The following NEXN variants were observed in gnomAD, a reference collection of about 807,000 sequenced individuals.
The protein encoded by NEXN is nexilin.
Under a neutral mutation model 92.6 loss-of-function variants are expected in NEXN, and 65 were observed. The observed-to-expected ratio is 0.70, with a 90% confidence interval of 0.57 to 0.86. The LOEUF is 0.86. Ranked by LOEUF, NEXN falls within the 40% of genes least tolerant of loss-of-function variation. The pLI is 0.00. For synonymous variants in NEXN, 254 were observed against 242.5 expected (o/e 1.05, Z -0.44); for missense variants, 778 against 771.1 (o/e 1.01, Z -0.11).
chr1:77,912,521 A>G (rs907180721), intron 1 of NEXN, among the ~76,000 whole-genome samples: 4 of 152,232 alleles, frequency 2.6e-5, no homozygotes, highest in Admixed American at 6.5e-5. Flanking sequence ...ACAAAGCTGG[A>G]GGACTAACAC....
At chr1:77,925,561 C>A (rs535237826) in intron 6 of NEXN, among the ~76,000 whole-genome samples, 2 of 152,188 alleles carry the variant, frequency 1.3e-5, no homozygotes, top group South Asian at 4.1e-4. Context: ...TATAAAAAGG[C>A]AATTTTATTT....
intron 11 of NEXN, among the ~76,000 whole-genome samples, chr1:77,940,692 G>C (rs1651192158): frequency 6.6e-6 from 1 of 152,192 alleles, no homozygotes; most frequent in South Asian, 2.1e-4. Flanking sequence ...AGTGTATACT[G>C]TGAACAAAGA....
intron 1 of NEXN, among the ~76,000 whole-genome samples, chr1:77,899,814 A>T (rs1046912516): frequency 6.6e-6 from 1 of 152,168 alleles, no homozygotes; most frequent in Non-Finnish European, 1.5e-5. Context: ...ATAAATAATG[A>T]GTCACCATGT....
rs761888910 is a variant in NEXN at position 77,917,713 on chromosome 1, G to C, written c.175G>C (p.Glu59Gln). 6.2e-7 allele frequency: 1 copy of C among 1,611,422 alleles called. No homozygotes were observed. Among genetic ancestry groups the C allele is most frequent in the South Asian group, 1.1e-5 (1 of 90,804 alleles). The change falls in exon 3 of 13, where the codon GAA becomes CAA. Residue 59 changes from glutamate to glutamine, a missense_variant. This residue lies in a region of NEXN where 236 missense variants were observed against 265.6 expected (regional missense o/e 0.89). Coordinates refer to ENST00000334785, the MANE Select transcript of NEXN (RefSeq NM_144573.4). ...TAGAGACGAAAAACAAAGAAGAAAA[G>C]AACAATATATTAGAGAGAGAGAATG... The part of the protein sequence containing the change: ...RSRDEKQRRK[E>Q]QYIREREWNR...
At chr1:77,914,958 A>C (rs1571107240) in intron 1 of NEXN, among the ~76,000 whole-genome samples, 1 of 152,176 alleles carries the variant, frequency 6.6e-6, no homozygotes, top group African/African-American at 2.4e-5. Context: ...TTTACATATA[A>C]AAACATAGAT....
In NEXN at chr1:77,942,805, T is replaced by C; in HGVS notation, c.2004T>C (p.Ile668=). The C allele has an allele frequency of 6.2e-7, 1 of 1,610,592 alleles. No individual in the cohort carries two copies. Among genetic ancestry groups the C allele is most frequent in the Non-Finnish European group, 8.5e-7 (1 of 1,177,376 alleles). ...NNKGSAASTC[I]LTIESKN The stretch of plus-strand genomic sequence containing the variant: ...AAGGATCTGCAGCTAGTACCTGTAT[T>C]CTTACCATTGAAAGTAAGAATTAAT... The change falls in exon 13 of 13, where the codon ATT becomes ATC. Residue 668 remains isoleucine (I), a synonymous_variant. Coordinates refer to ENST00000334785, the MANE Select transcript of NEXN (RefSeq NM_144573.4).
At chr1:77,931,130 G>A (rs2102138741) in intron 9 of NEXN, among the ~76,000 whole-genome samples, 1 of 151,094 alleles carries the variant, frequency 6.6e-6, no homozygotes, top group South Asian at 2.1e-4. Context: ...GCTCACGCCT[G>A]TAATCCCAGC....
chr1:77,934,440 C>A (rs1650580604), intron 10 of NEXN, among the ~76,000 whole-genome samples: 3 of 152,214 alleles, frequency 2.0e-5, no homozygotes, highest in Admixed American at 2.0e-4. Flanking sequence ...CCATCATGCC[C>A]AGCCACTGTC....
rs370195451 is a variant in NEXN, at chr1:77,935,971, T to C, written c.1400T>C (p.Ile467Thr). The change falls in exon 11 of 13, where the codon ATA becomes ACA. Residue 467 changes from isoleucine to threonine, a missense_variant. By Grantham distance (89) the Ile-to-Thr change is moderately conservative (BLOSUM62 -1). This residue lies in a region of NEXN where 532 missense variants were observed against 476.7 expected (regional missense o/e 1.12). Transcript: ENST00000334785. ...QLSEKEIQKKIEEERARRRAI... is the reference protein window; with the variant it reads ...QLSEKEIQKKTEEERARRRAI... ...TCTGAAAAAGAAATACAGAAAAAAA[T>C]AGAAGAAGAGCGAGCAAGAAGGAGA... The C allele has an allele frequency of 3.0e-5, 49 of 1,613,570 alleles. No individual in the cohort carries two copies. The highest frequency in any genetic ancestry group is 3.7e-5 in the Non-Finnish European group (44 of 1,179,918).
At position 77,918,168 on chromosome 1, in the gene NEXN, A is replaced by G; in HGVS notation, c.342A>G (p.Gln114=). The change falls in exon 5 of 13, where the codon CAA becomes CAG. Residue 114 remains glutamine (Q), a synonymous_variant. Transcript: ENST00000334785. ...GRFAEMEKQR[Q]EEQRKRTEEE... ...TTGCTGAAATGGAGAAACAAAGACA[A>G]GAGGAACAAAGGAAGAGAACGGAGG... 2 of 1,614,110 alleles carry G rather than the reference A, an allele frequency of 1.2e-6. No individual in the cohort carries two copies. Among genetic ancestry groups the G allele is most frequent in the Non-Finnish European group, 1.7e-6 (2 of 1,179,974 alleles).
chr1:77,905,603 T>C (rs375732127), intron 1 of NEXN, among the ~76,000 whole-genome samples: 1 of 152,148 alleles, frequency 6.6e-6, no homozygotes, highest in South Asian at 2.1e-4. Flanking sequence ...CAGGAGGTGC[T>C]ATGGATATAA....
At chr1:77,894,885 T>G (rs1647191100) in intron 1 of NEXN, among the ~76,000 whole-genome samples, 1 of 151,148 alleles carries the variant, frequency 6.6e-6, no homozygotes, top group Non-Finnish European at 1.5e-5. Context: ...CTGGCTAATT[T>G]TTTGTATTTT....
intron 1 of NEXN, among the ~76,000 whole-genome samples, chr1:77,894,308 AT>A (rs1433231808): frequency 1.3e-5 from 2 of 152,206 alleles, no homozygotes; most frequent in African/African-American, 4.8e-5. Flanking sequence ...AGGGAAATAG[AT>A]CACTACTTCG....
chr1:77,934,383 G>A (rs1482715834), intron 10 of NEXN, among the ~76,000 whole-genome samples: 2 of 152,068 alleles, frequency 1.3e-5, no homozygotes, highest in Non-Finnish European at 2.9e-5. Context: ...TCTGGCAAGC[G>A]ATCCTCTGAC....
chr1:77,912,322 T>C (rs1648653227), intron 1 of NEXN, among the ~76,000 whole-genome samples: 1 of 152,172 alleles, frequency 6.6e-6, no homozygotes, highest in Non-Finnish European at 1.5e-5. Context: ...GGGGGGGACA[T>C]ACTGTGTTCA....
chr1:77,911,177 TA>T, intron 1 of NEXN, among the ~76,000 whole-genome samples: 1 of 152,320 alleles, frequency 6.6e-6, no homozygotes. Context: ...TGAATATCCC[TA>T]ATCTGAAAAT....
intron 6 of NEXN, 138 bp downstream of exon 6, chr1:77,925,367 C>A (rs967052078): frequency 1.4e-6 from 1 of 703,974 alleles, no homozygotes; most frequent in Non-Finnish European, 2.5e-6. Flanking sequence ...GTATGTTTTG[C>A]AAAGCAAGAG....
chr1:77,919,652 T>C (rs1649262724), intron 5 of NEXN, among the ~76,000 whole-genome samples: 1 of 149,646 alleles, frequency 6.7e-6, no homozygotes, highest in Non-Finnish European at 1.5e-5. Context: ...GGCGCAGTCC[T>C]GGCTCGGTGC....
chr1:77,935,086 CA>C (rs1650638194), intron 10 of NEXN, among the ~76,000 whole-genome samples: 8 of 152,176 alleles, frequency 5.3e-5, no homozygotes, highest in Admixed American at 5.2e-4. Flanking sequence ...TTGTTTGAGA[CA>C]AAGTCTTGCT....
Sources: gnomAD v4.1 joint callset for allele counts (sites outside exome capture counted in the v4.1 genomes callset) on GRCh38, gnomAD v4.1.1 for gene constraint, gnomAD v4.1.1 regional missense constraint, MANE v1.5 for transcripts, NCBI Gene and HGNC (gene_info 2026-07-23, HGNC 2026-07-21) for gene names.